Variants in SOX6 observed in about 807,000 individuals in gnomAD.
SOX6 encodes the protein SRY-box transcription factor 6.
A neutral mutation model predicts 97.8 loss-of-function variants in SOX6; 11 were observed. The observed-to-expected ratio is 0.11, with a 90% CI of 0.07 to 0.19. SOX6 has a LOEUF of 0.19. Among genes scored for constraint, SOX6 ranks in the 10% least tolerant of loss-of-function variants. The probability of loss-of-function intolerance (pLI) is 1.00; values close to 1 mark genes in which losing one functional copy is unlikely to be tolerated. For synonymous variants in SOX6, 360 were observed against 371.4 expected (o/e 0.97, Z 0.35); for missense variants, 810 against 1,039.5 (o/e 0.78, Z 3.04).
At chr11:16,721,362 T>C (rs1033749150) in intron 2 of SOX6, among the ~76,000 whole-genome samples, 1 of 152,158 alleles carries the variant, frequency 6.6e-6, no homozygotes, top group African/African-American at 2.4e-5. Context: ...TACAAGATCA[T>C]GGGACATGGG....
chr11:16,483,511 T>G (rs1860380678), intron 4 of SOX6, among the ~76,000 whole-genome samples: 2 of 152,100 alleles, frequency 1.3e-5, no homozygotes, highest in South Asian at 4.1e-4. Context: ...GGTTGTACTT[T>G]CCCCAGCAGG....
intron 4 of SOX6, among the ~76,000 whole-genome samples, chr11:16,578,082 G>A (rs1847999422): frequency 6.6e-6 from 1 of 152,016 alleles, no homozygotes; most frequent in Non-Finnish European, 1.5e-5. Flanking sequence ...TTCATGTTGG[G>A]TTAATTTTTT....
intron 6 of SOX6, among the ~76,000 whole-genome samples, chr11:16,160,268 A>C (rs977198623): frequency 9.2e-5 from 14 of 152,162 alleles, no homozygotes; most frequent in African/African-American, 3.4e-4. Flanking sequence ...GTCAGTGTCT[A>C]ATTTCAAACC....
At chr11:16,037,250 T>A (rs1421292126) in intron 12 of SOX6, among the ~76,000 whole-genome samples, 2 of 152,178 alleles carry the variant, frequency 1.3e-5, no homozygotes, top group African/African-American at 2.4e-5. Context: ...GCCACCTAGA[T>A]GGGTCTGATT....
At chr11:16,120,891 G>A (rs35350728) in intron 6 of SOX6, among the ~76,000 whole-genome samples, 3,205 of 152,042 alleles carry the variant, frequency 0.021, 109 homozygotes, top group African/African-American at 0.073. Flanking sequence ...TAGTTACAGA[G>A]GAAAGAAATA....
intron 4 of SOX6, among the ~76,000 whole-genome samples, chr11:16,188,036 C>A (rs1201115268): frequency 6.6e-6 from 1 of 152,012 alleles, no homozygotes; most frequent in Non-Finnish European, 1.5e-5. Context: ...ACTAAGAAAG[C>A]ACCATTACAA....
chr11:16,384,447 A>G (rs1158601325), intron 1 of SOX6, among the ~76,000 whole-genome samples: 1 of 152,010 alleles, frequency 6.6e-6, no homozygotes. Flanking sequence ...AACTCACGTG[A>G]AAAAGAAAAA....
chr11:16,381,354 T>G (rs1857813883), intron 1 of SOX6, among the ~76,000 whole-genome samples: 1 of 151,848 alleles, frequency 6.6e-6, no homozygotes, highest in Non-Finnish European at 1.5e-5. Context: ...ATCACCCAGT[T>G]GCACTTCTGC....
chr11:16,524,350 G>A (rs1182760961), intron 4 of SOX6, among the ~76,000 whole-genome samples: 1 of 151,468 alleles, frequency 6.6e-6, no homozygotes, highest in African/African-American at 2.4e-5. Flanking sequence ...ATGTAATCCA[G>A]CATATAAACA....
At chr11:16,294,498 A>T (rs1237940056) in intron 3 of SOX6, among the ~76,000 whole-genome samples, 1 of 152,114 alleles carries the variant, frequency 6.6e-6, no homozygotes, top group Non-Finnish European at 1.5e-5. Context: ...AGCTCAATGA[A>T]ATCTCAAATC....
At chr11:16,705,670 G>T (rs1848126999) in intron 3 of SOX6, among the ~76,000 whole-genome samples, 1 of 152,090 alleles carries the variant, frequency 6.6e-6, no homozygotes, top group African/African-American at 2.4e-5. Flanking sequence ...AATGTATAAA[G>T]ATTTAATCTG....
chr11:16,325,963 C>T (rs933825457), intron 2 of SOX6, among the ~76,000 whole-genome samples: 2 of 152,126 alleles, frequency 1.3e-5, no homozygotes, highest in African/African-American at 4.8e-5. Flanking sequence ...AGAGACTGGG[C>T]CTTCACCAGA....
chr11:16,447,529 A>G (rs1042346934), intron 1 of SOX6, among the ~76,000 whole-genome samples: 39 of 151,888 alleles, frequency 2.6e-4, no homozygotes, highest in African/African-American at 9.2e-4. Flanking sequence ...GAGAAACAGA[A>G]AGAGAGAGAG....
intron 1 of SOX6, among the ~76,000 whole-genome samples, chr11:16,434,803 A>C (rs1420671493): frequency 2.0e-5 from 3 of 152,174 alleles, no homozygotes; most frequent in Non-Finnish European, 4.4e-5. Context: ...TACTTGAGAG[A>C]AAATATGCTA....
chr11:16,107,720 T>G (rs1849131143), intron 7 of SOX6, among the ~76,000 whole-genome samples: 1 of 152,036 alleles, frequency 6.6e-6, no homozygotes, highest in Non-Finnish European at 1.5e-5. Context: ...ATTGTGGTGT[T>G]GGTTATACAA....
intron 1 of SOX6, among the ~76,000 whole-genome samples, chr11:16,444,778 G>A (rs992435963): frequency 2.0e-5 from 3 of 152,160 alleles, no homozygotes; most frequent in Admixed American, 2.0e-4. Context: ...GAAGCAAAAT[G>A]TGTATCTTTG....
chr11:16,392,547 T>G (rs1368888504), intron 1 of SOX6, among the ~76,000 whole-genome samples: 1 of 152,076 alleles, frequency 6.6e-6, no homozygotes, highest in South Asian at 2.1e-4. Flanking sequence ...GTAAATTAAT[T>G]TATTACTACT....
chr11:16,087,893 T>C (rs962579570), intron 9 of SOX6, among the ~76,000 whole-genome samples: 1 of 152,104 alleles, frequency 6.6e-6, no homozygotes, highest in African/African-American at 2.4e-5. Context: ...AATTTTAGAC[T>C]GTATAATTCT....
intron 3 of SOX6, among the ~76,000 whole-genome samples, chr11:16,670,850 C>T (rs1051620302): frequency 1.3e-5 from 2 of 151,172 alleles, no homozygotes; most frequent in Non-Finnish European, 3.0e-5. Context: ...CCCAGGAGTG[C>T]AAAGCCATGA....
Sources: gnomAD v4.1 joint callset for allele counts (sites outside exome capture counted in the v4.1 genomes callset) on GRCh38, gnomAD v4.1.1 for gene constraint, MANE v1.5 for transcripts, NCBI Gene and HGNC (gene_info 2026-07-23, HGNC 2026-07-21) for gene names.